HMOX2: variants seen among roughly 807,000 people sequenced by gnomAD.
The protein encoded by HMOX2 is heme oxygenase (decycling) 2.
In HMOX2, 30 loss-of-function variants were observed where a neutral mutation model predicts 33.7. The observed-to-expected ratio is 0.89, with a 90% CI of 0.67 to 1.21. The LOEUF is 1.21. Ranked by LOEUF, HMOX2 falls within the 50% of genes most tolerant of loss-of-function variation. HMOX2 has a pLI of 0.00. For missense variants in HMOX2, 403 were observed against 399.1 expected (o/e 1.01, Z -0.08); for synonymous variants, 155 against 155.0 (o/e 1.00, Z 0.00).
At chr16:4,487,098 A>C (rs180845730) in intron 1 of HMOX2, among the ~76,000 whole-genome samples, 55 of 152,220 alleles carry the variant, frequency 3.6e-4, no homozygotes, top group Non-Finnish European at 5.1e-4. Flanking sequence ...CTCTACAAAA[A>C]AATTTTTAAA....
At chr16:4,491,795 A>ACCTC (rs2058312914) in intron 1 of HMOX2, among the ~76,000 whole-genome samples, 1 of 151,520 alleles carries the variant, frequency 6.6e-6, no homozygotes, top group African/African-American at 2.4e-5. Flanking sequence ...TGCAACCTCC[A>ACCTC]CCTCCCAGGT....
Position 4,507,975 on chromosome 16 carries a change from G to A in HMOX2, c.467G>A (p.Arg156His), listed in dbSNP as rs1397312786. Residue 156 changes from arginine (R) to histidine (H), a missense_variant, in exon 4 of 6, where the codon CGC becomes CAC. Arg to His is a conservative substitution (Grantham distance 29, BLOSUM62 0). Coordinates refer to ENST00000570646, the MANE Select transcript of HMOX2 (RefSeq NM_002134.4). ...PELLVAHAYT[R>H]YMGDLSGGQV... is the part of the protein sequence containing the mutation. ...CTACTGGTGGCCCATGCATACACCCGCTACATGGGGGATCTCTCGGGGGGC... is the reference window on the plus strand; with the variant it reads ...CTACTGGTGGCCCATGCATACACCCACTACATGGGGGATCTCTCGGGGGGC... The A allele has an allele frequency of 3.1e-6, 5 of 1,613,818 alleles. No individual in the cohort carries two copies. In the Admixed American group the frequency reaches 5.0e-5, roughly 16 times the overall value.
Position 4,509,460 on chromosome 16 carries a change from T to G in HMOX2, c.745T>G (p.Leu249Val), listed in dbSNP as rs2141617153. ...QAGSTLARET[L>V]EDGFPVHDGK... ...CGGCTCCACACTGGCCAGAGAGACC[T>G]TGGAGGATGGGTTCCCTGTACACGA... Residue 249 changes from leucine (L) to valine (V), a missense_variant, in exon 5 of 6, where the codon TTG (leucine) becomes GTG (valine). By Grantham distance (32) the Leu-to-Val change is conservative. Coordinates refer to ENST00000570646, the MANE Select transcript of HMOX2 (RefSeq NM_002134.4). 1 of 1,614,074 alleles carries G rather than the reference T, an allele frequency of 6.2e-7. No homozygotes were observed. The highest frequency in any genetic ancestry group is 8.5e-7 in the Non-Finnish European group (1 of 1,180,024).
At chr16:4,499,137 C>G (rs1302893872) in intron 1 of HMOX2, among the ~76,000 whole-genome samples, 1 of 152,196 alleles carries the variant, frequency 6.6e-6, no homozygotes, top group Non-Finnish European at 1.5e-5. Flanking sequence ...CTTGTTCTTC[C>G]TCAGTGTTTA....
intron 1 of HMOX2, among the ~76,000 whole-genome samples, chr16:4,503,124 G>A (rs2058600491): frequency 6.6e-6 from 1 of 151,550 alleles, no homozygotes; most frequent in Non-Finnish European, 1.5e-5. Context: ...TAGCAAAGCT[G>A]TACTTTTACC....
intron 1 of HMOX2, among the ~76,000 whole-genome samples, chr16:4,492,265 T>G (rs771334094): frequency 4.7e-4 from 72 of 151,602 alleles, no homozygotes; most frequent in Non-Finnish European, 9.3e-4. Context: ...TCCCAGGAGG[T>G]AGAGACTGCA....
At chr16:4,481,348 C>CAAAAAAAAAAAAAA (rs60035479) in intron 1 of HMOX2, among the ~76,000 whole-genome samples, 1 of 114,060 alleles carries the variant, frequency 8.8e-6, no homozygotes, top group African/African-American at 3.3e-5. Context: ...GACTCCGTCT[C>CAAAAAAAAAAAAAA]AAAAAAAAAA....
intron 1 of HMOX2, among the ~76,000 whole-genome samples, chr16:4,499,052 G>T (rs765082911): frequency 2.0e-5 from 3 of 152,194 alleles, no homozygotes; most frequent in Non-Finnish European, 2.9e-5. Context: ...ATTTCCTGAC[G>T]CTGCTGGAGA....
At chr16:4,477,728 G>A (rs1377158460) in intron 1 of HMOX2, among the ~76,000 whole-genome samples, 9 of 151,950 alleles carry the variant, frequency 5.9e-5, no homozygotes, top group Non-Finnish European at 1.3e-4. Flanking sequence ...AGATCAGCCT[G>A]GCCAACATGG....
At chr16:4,490,591 A>T (rs924041852) in intron 1 of HMOX2, among the ~76,000 whole-genome samples, 3 of 152,216 alleles carry the variant, frequency 2.0e-5, no homozygotes, top group Admixed American at 6.5e-5. Context: ...TTAAATGTTT[A>T]GCTTCCAGGC....
At chr16:4,488,309 T>G (rs965170879) in intron 1 of HMOX2, among the ~76,000 whole-genome samples, 3 of 152,152 alleles carry the variant, frequency 2.0e-5, no homozygotes, top group Non-Finnish European at 4.4e-5. Context: ...TTCCTCTGAA[T>G]AATGATTAAT....
At chr16:4,508,523 C>T (rs891530127) in intron 4 of HMOX2, among the ~76,000 whole-genome samples, 1 of 152,158 alleles carries the variant, frequency 6.6e-6, no homozygotes, top group African/African-American at 2.4e-5. Context: ...GGTTAATTTT[C>T]TTTTCAAGTT....
Position 4,509,801 on chromosome 16 carries a change from T to C in HMOX2, c.*45T>C, listed in dbSNP as rs1351577518. ...CGGTACCCTCCTCCCGACTGACCACTGGCCTACCCCTTTCTCCAGCCCTGA... is the reference window on the plus strand; with the variant it reads ...CGGTACCCTCCTCCCGACTGACCACCGGCCTACCCCTTTCTCCAGCCCTGA... On this transcript the variant is annotated 3_prime_UTR_variant, in exon 6 of 6. Coordinates refer to ENST00000570646, the MANE Select transcript of HMOX2 (RefSeq NM_002134.4). 6.3e-7 allele frequency: 1 copy of C among 1,580,518 alleles called. No homozygotes were observed. The highest frequency in any genetic ancestry group is 8.6e-7 in the Non-Finnish European group (1 of 1,158,936).
In HMOX2 at chr16:4,509,477, T is replaced by C. The variant is rs145642450; in HGVS notation, c.762T>C (p.Pro254=). Reference sequence around the variant, plus strand: ...GAGAGACCTTGGAGGATGGGTTCCCTGTACACGATGGGAAAGGAGACATGC... The same window carrying C: ...GAGAGACCTTGGAGGATGGGTTCCCCGTACACGATGGGAAAGGAGACATGC... ...LARETLEDGF[P]VHDGKGDMRK... Residue 254 remains proline, a synonymous_variant, in exon 5 of 6, where the codon CCT becomes CCC. Coordinates refer to ENST00000570646, the MANE Select transcript of HMOX2 (RefSeq NM_002134.4). 6.1e-5 allele frequency: 98 copies of C among 1,614,036 alleles called. 1 individual carries two copies. The African/African-American group carries it at 1.1e-3, about 18-fold the overall frequency.
chr16:4,477,497 TAAAAAAAAA>T (rs35695989), intron 1 of HMOX2, among the ~76,000 whole-genome samples: 6 of 72,674 alleles, frequency 8.3e-5, no homozygotes, highest in African/African-American at 2.7e-4. Context: ...AGACTCCATC[TAAAAAAAAA>T]AAAAAAAAAA....
chr16:4,489,702 A>G (rs2058260377), intron 1 of HMOX2, among the ~76,000 whole-genome samples: 1 of 151,994 alleles, frequency 6.6e-6, no homozygotes, highest in Non-Finnish European at 1.5e-5. Context: ...CAAGCTATCC[A>G]CCTGCCTTGG....
chr16:4,504,682 C>CTCTTT (rs2058645269), intron 1 of HMOX2, among the ~76,000 whole-genome samples: 1 of 65,840 alleles, frequency 1.5e-5, no homozygotes, highest in Admixed American at 1.8e-4. Flanking sequence ...TTGATACGGT[C>CTCTTT]TTTTTTTTTT....
In HMOX2 at chr16:4,509,511, C is replaced by A; in HGVS notation, c.796C>A (p.Pro266Thr). ...HDGKGDMRKC[P>T]FYAAEQDKGA... Reference sequence around the variant, plus strand: ...TGGGAAAGGAGACATGCGTAAATGCCCTTTCTACGCTGCTGAACAAGACAA... The same window carrying A: ...TGGGAAAGGAGACATGCGTAAATGCACTTTCTACGCTGCTGAACAAGACAA... The change falls in exon 5 of 6, where the codon CCT (proline) becomes ACT (threonine). Residue 266 changes from proline to threonine, a missense_variant. Coordinates refer to ENST00000570646, the MANE Select transcript of HMOX2 (RefSeq NM_002134.4). The A allele has an allele frequency of 6.2e-7, 1 of 1,614,162 alleles. No homozygotes were observed.
chr16:4,484,460 CTTTTT>C (rs58092240), intron 1 of HMOX2, among the ~76,000 whole-genome samples: 2 of 118,294 alleles, frequency 1.7e-5, no homozygotes, highest in African/African-American at 3.4e-5. Context: ...CTTTTCTTTT[CTTTTT>C]TTTTTTTTTT....
Sources: gnomAD v4.1 joint callset for allele counts (sites outside exome capture counted in the v4.1 genomes callset) on GRCh38, gnomAD v4.1.1 for gene constraint, MANE v1.5 for transcripts, NCBI Gene and HGNC (gene_info 2026-07-23, HGNC 2026-07-21) for gene names.